TNFRSF19: variants seen among roughly 807,000 people sequenced by gnomAD.
The protein encoded by TNFRSF19 is TNF receptor superfamily member 19.
A neutral mutation model predicts 46.4 loss-of-function variants in TNFRSF19; 27 were observed. That is an observed-to-expected ratio of 0.58 (90% CI 0.43 to 0.80). The LOEUF (loss-of-function observed/expected upper bound fraction) is 0.80, where lower values mean the gene tolerates loss of function less well. Among genes scored for constraint, TNFRSF19 ranks in the 30% least tolerant of loss-of-function variants. The probability of loss-of-function intolerance (pLI) is 0.00; values close to 1 mark genes in which losing one functional copy is unlikely to be tolerated. For missense variants in TNFRSF19, 511 were observed against 530.8 expected (o/e 0.96, Z 0.37); for synonymous variants, 204 against 205.0 (o/e 1.00, Z 0.04).
chr13:23,571,264 T>C (rs990128368), intron 1 of TNFRSF19, among the ~76,000 whole-genome samples: 2 of 152,264 alleles, frequency 1.3e-5, no homozygotes, highest in African/African-American at 4.8e-5. Context: ...TGTTTTCTTA[T>C]ATAAAAGAGT....
intron 5 of TNFRSF19, among the ~76,000 whole-genome samples, chr13:23,630,166 G>C (rs1270255387): frequency 6.6e-6 from 1 of 151,880 alleles, no homozygotes; most frequent in Non-Finnish European, 1.5e-5. Flanking sequence ...AGCTAGGGAT[G>C]GTGGTGTGTG....
chr13:23,602,003 A>G (rs74794447), intron 3 of TNFRSF19, among the ~76,000 whole-genome samples: 1,529 of 152,272 alleles, frequency 0.01, 31 homozygotes, highest in African/African-American at 0.035. Flanking sequence ...AGTAATATAT[A>G]TGGTAACTAT....
chr13:23,615,602 C>T (rs552436231), intron 3 of TNFRSF19, among the ~76,000 whole-genome samples: 8 of 152,290 alleles, frequency 5.3e-5, no homozygotes, highest in South Asian at 4.1e-4. Flanking sequence ...CTGATAGTAA[C>T]GCAGCAGTGG....
chr13:23,600,295 C>T (rs549284191), intron 3 of TNFRSF19, among the ~76,000 whole-genome samples: 3 of 152,242 alleles, frequency 2.0e-5, no homozygotes, highest in East Asian at 1.9e-4. Context: ...GAAGTGAGGT[C>T]GCAGGCAGCT....
At chr13:23,572,705 G>T (rs1877707268) in intron 1 of TNFRSF19, among the ~76,000 whole-genome samples, 1 of 152,150 alleles carries the variant, frequency 6.6e-6, no homozygotes, top group Admixed American at 6.5e-5. Flanking sequence ...TCATTGTTGA[G>T]AAATGAAATA....
At chr13:23,627,800 G>GATAAGGTCAC (rs1400931314) in intron 5 of TNFRSF19, among the ~76,000 whole-genome samples, 1 of 152,210 alleles carries the variant, frequency 6.6e-6, no homozygotes, top group East Asian at 1.9e-4. Flanking sequence ...TGCGTCATTT[G>GATAAGGTCAC]ATAAGGTCAC....
At chr13:23,641,492 G>T (rs576224655) in intron 5 of TNFRSF19, among the ~76,000 whole-genome samples, 1 of 152,194 alleles carries the variant, frequency 6.6e-6, no homozygotes, top group South Asian at 2.1e-4. Context: ...ACCACATCTG[G>T]CTAATTTTTT....
chr13:23,650,824 T>C (rs1412964849), intron 5 of TNFRSF19, among the ~76,000 whole-genome samples: 2 of 152,246 alleles, frequency 1.3e-5, no homozygotes, highest in South Asian at 2.1e-4. Context: ...AATATTTCTT[T>C]TGGTTATTGA....
In TNFRSF19 at chr13:23,660,120, C is replaced by A. The variant is rs545117449; in HGVS notation, c.611-245C>A. ...TTGCACAGCTTTGTAAGGAGACTTA[C>A]AAGGCTGTGATGTCCCTGCGCCACT... On this transcript the variant is annotated intron_variant, in intron 6 of 9. Transcript: ENST00000248484. Among the ~76,000 whole-genome samples the A allele has an allele frequency of 3.9e-5, 6 of 152,282 alleles. No individual in the cohort carries two copies. In the East Asian group the frequency reaches 1.2e-3, roughly 29 times the overall value.
At chr13:23,609,706 T>C (rs939467239) in intron 3 of TNFRSF19, among the ~76,000 whole-genome samples, 85 of 152,246 alleles carry the variant, frequency 5.6e-4, no homozygotes, top group African/African-American at 2.0e-3. Flanking sequence ...GCACGGGGCA[T>C]ACCCAGCTTC....
At position 23,668,909 on chromosome 13, in the gene TNFRSF19, C is replaced by A; in HGVS notation, c.1057C>A (p.Gln353Lys). ...AACGTCTTTGGATTCAAATAGCAGT[C>A]AAGATTTGGTTGGTGGGGCTGTTCC... ...SSTSLDSNSS[Q>K]DLVGGAVPVQ... The change falls in exon 9 of 10, where the codon CAA becomes AAA. Residue 353 changes from glutamine (Q) to lysine (K), a missense_variant. Coordinates refer to ENST00000248484, the MANE Select transcript of TNFRSF19 (RefSeq NM_148957.4). 1 of 1,614,252 alleles carries A rather than the reference C, an allele frequency of 6.2e-7. No homozygotes were observed. Among genetic ancestry groups the A allele is most frequent in the Non-Finnish European group, 8.5e-7 (1 of 1,180,052 alleles).
chr13:23,587,977 G>A (rs772041673), intron 1 of TNFRSF19, among the ~76,000 whole-genome samples: 21 of 152,048 alleles, frequency 1.4e-4, no homozygotes, highest in Non-Finnish European at 2.6e-4. Context: ...TTTGTCCGAC[G>A]GATTACAGTC....
intron 5 of TNFRSF19, among the ~76,000 whole-genome samples, chr13:23,629,442 C>A (rs1187683835): frequency 6.6e-6 from 1 of 152,188 alleles, no homozygotes; most frequent in Non-Finnish European, 1.5e-5. Context: ...CCATTTCTGT[C>A]AGCTGCCCCA....
intron 4 of TNFRSF19, among the ~76,000 whole-genome samples, chr13:23,616,660 G>A (rs1881316837): frequency 6.6e-6 from 1 of 152,120 alleles, no homozygotes; most frequent in Admixed American, 6.6e-5. Context: ...TCAGCTCAGT[G>A]CAACCTGTGC....
chr13:23,616,458 G>A (rs1373518529), intron 4 of TNFRSF19, among the ~76,000 whole-genome samples: 1 of 152,222 alleles, frequency 6.6e-6, no homozygotes, highest in Non-Finnish European at 1.5e-5. Context: ...CCATTCAGCA[G>A]AGACGTGCCC....
chr13:23,622,966 AAC>A (rs1204412758), intron 4 of TNFRSF19, among the ~76,000 whole-genome samples: 29 of 152,172 alleles, frequency 1.9e-4, no homozygotes, highest in Admixed American at 1.9e-3. Context: ...TGTGGTAAAA[AAC>A]ACATAACATA....
At chr13:23,649,104 T>G (rs1883488636) in intron 5 of TNFRSF19, among the ~76,000 whole-genome samples, 1 of 152,208 alleles carries the variant, frequency 6.6e-6, no homozygotes. Context: ...GAGTTAAAAG[T>G]GTTCTCCCCT....
chr13:23,581,073 A>G (rs1297551278), intron 1 of TNFRSF19, among the ~76,000 whole-genome samples: 2 of 151,992 alleles, frequency 1.3e-5, no homozygotes, highest in Non-Finnish European at 2.9e-5. Flanking sequence ...TTATGGACAC[A>G]TGAAGAGCAT....
chr13:23,637,575 A>G (rs1235275746), intron 5 of TNFRSF19, among the ~76,000 whole-genome samples: 4 of 152,244 alleles, frequency 2.6e-5, no homozygotes, highest in Non-Finnish European at 4.4e-5. Flanking sequence ...GCTGGCATAG[A>G]GGATAGCAGG....
Sources: gnomAD v4.1 joint callset for allele counts (sites outside exome capture counted in the v4.1 genomes callset) on GRCh38, gnomAD v4.1.1 for gene constraint, MANE v1.5 for transcripts, NCBI Gene and HGNC (gene_info 2026-07-23, HGNC 2026-07-21) for gene names.